MAN1A2: variants seen among roughly 807,000 people sequenced by gnomAD.
MAN1A2 encodes mannosidase alpha class 1A member 2, also known as mannosyl-oligosaccharide 1,2-alpha-mannosidase IB.
In MAN1A2, 26 loss-of-function variants were observed where a neutral mutation model predicts 75.7. The observed-to-expected ratio is 0.34, with a 90% CI of 0.25 to 0.48. The LOEUF is 0.48. MAN1A2 is among the 20% of genes least tolerant of loss of function. The pLI, the probability that MAN1A2 is intolerant of heterozygous loss-of-function variation, is 0.99. For missense variants in MAN1A2, 562 were observed against 775.5 expected (o/e 0.72, Z 3.27); for synonymous variants, 247 against 264.6 (o/e 0.93, Z 0.65).
At chr1:117,405,492 TA>T (rs1201482114) in intron 2 of MAN1A2, 56 bp from the exon 3 acceptor site, 12 of 1,083,488 alleles carry the variant, frequency 1.1e-5, no homozygotes, top group East Asian at 2.4e-5. Context: ...TTGTATGAAA[TA>T]AAAAAACAGT....
At position 117,431,666 on chromosome 1, in the gene MAN1A2, T is replaced by C. The variant is rs1648666326; in HGVS notation, c.856-10565T>C. On this transcript the variant is annotated intron_variant, in intron 5 of 12. Transcript: ENST00000356554. The stretch of plus-strand genomic sequence containing the variant: ...AAAAAGTTAGAAATAGTACAGAGTA[T>C]GGCTAGGTGCAATGGCTTATGCCTG... 2.0e-5 allele frequency among the ~76,000 whole-genome samples: 3 copies of C among 152,162 alleles called. No homozygotes were observed. The South Asian group carries it at 6.2e-4, about 31-fold the overall frequency.
chr1:117,515,557 A>G (rs1321350490), intron 12 of MAN1A2: 1 of 152,138 alleles, frequency 6.6e-6, no homozygotes, highest in African/African-American at 2.4e-5. Flanking sequence ...GAAAAGAAGG[A>G]TTCAGCCTGA....
intron 1 of MAN1A2, among the ~76,000 whole-genome samples, chr1:117,393,887 A>G (rs1653820924): frequency 6.6e-6 from 1 of 152,186 alleles, no homozygotes; most frequent in Admixed American, 6.5e-5. Flanking sequence ...CATAGAAGAA[A>G]TAATGTATCA....
intron 1 of MAN1A2, among the ~76,000 whole-genome samples, chr1:117,383,794 G>A (rs917952007): frequency 6.6e-6 from 1 of 151,824 alleles, no homozygotes; most frequent in Non-Finnish European, 1.5e-5. Context: ...GCCCAGGCTG[G>A]AGTGCAGTGG....
chr1:117,410,801 T>TGCAG (rs938351291), intron 3 of MAN1A2, among the ~76,000 whole-genome samples: 2 of 151,726 alleles, frequency 1.3e-5, no homozygotes, highest in African/African-American at 4.8e-5. Context: ...TTATGTGTCT[T>TGCAG]GGTATACTTG....
chr1:117,520,648 A>G (rs1480994039), intron 12 of MAN1A2, among the ~76,000 whole-genome samples: 4 of 152,102 alleles, frequency 2.6e-5, no homozygotes, highest in Admixed American at 2.6e-4. Context: ...GAAGACTACA[A>G]AACATGCTGA....
At chr1:117,493,008 G>C in intron 8 of MAN1A2, 139 bp from the exon 9 acceptor site, 1 of 583,804 alleles carries the variant, frequency 1.7e-6, no homozygotes. Context: ...TAAATTTGAA[G>C]TATGTTGGAA....
Position 117,417,534 on chromosome 1 carries a change from AATATATATATATAT to A in MAN1A2, c.774+2714_774+2727del, listed in dbSNP as rs551507232. Among the ~76,000 whole-genome samples, 10 of 89,208 alleles carry A rather than the reference AATATATATATATAT, an allele frequency of 1.1e-4. 1 individual carries two copies. The South Asian group carries it at 2.9e-3, about 26-fold the overall frequency. The allele number at this position is 89,208 out of a possible 152,430, so 58.5% of individuals were successfully genotyped here. A position where few individuals can be genotyped will look rare whatever the true frequency, so the allele number is the denominator to read the frequency against. Reference sequence around the variant, plus strand: ...GACTTTGGAGATATCCTTGAGTTTAAATATATATATATATATATATATATGTGATATATATGTTT... The same window carrying A: ...GACTTTGGAGATATCCTTGAGTTTAAATATATATATGTGATATATATGTTT... On this transcript the variant is annotated intron_variant, in intron 4 of 12. Coordinates refer to ENST00000356554, the MANE Select transcript of MAN1A2 (RefSeq NM_006699.5).
chr1:117,465,458 A>G (rs1321976560), intron 7 of MAN1A2, among the ~76,000 whole-genome samples: 3 of 152,158 alleles, frequency 2.0e-5, no homozygotes, highest in Admixed American at 6.5e-5. Flanking sequence ...TCCTAAAACT[A>G]CTTAAAGACA....
At chr1:117,509,719 A>C (rs566688794) in intron 12 of MAN1A2, among the ~76,000 whole-genome samples, 1 of 152,038 alleles carries the variant, frequency 6.6e-6, no homozygotes, top group African/African-American at 2.4e-5. Context: ...GTAGCTCCTA[A>C]AAAATCAAGT....
rs767143531 is a variant in MAN1A2 at position 117,368,440 on chromosome 1, A to C, written c.257A>C (p.Asn86Thr). ...PHVDAGKGAKNPGVFLIHGPD... is the reference protein window; with the variant it reads ...PHVDAGKGAKTPGVFLIHGPD... ...GTAGATGCCGGTAAAGGGGCTAAAA[A>C]CCCCGGAGTCTTCCTGATCCATGGA... is the stretch of plus-strand genomic sequence containing the variant. The change falls in exon 1 of 13, where the codon AAC becomes ACC. Residue 86 changes from asparagine (N) to threonine (T), a missense_variant. Around this residue, in one of 2 missense-constraint regions of MAN1A2, gnomAD observed 128 missense variants for 129.8 expected, o/e 0.99. Transcript: ENST00000356554. 1.2e-6 allele frequency: 2 copies of C among 1,613,200 alleles called. No homozygotes were observed. The highest frequency in any genetic ancestry group is 2.7e-5 in the African/African-American group (2 of 74,656).
intron 1 of MAN1A2, among the ~76,000 whole-genome samples, chr1:117,400,472 TA>T (rs145760107): frequency 7.4e-5 from 11 of 147,760 alleles, no homozygotes; most frequent in South Asian, 2.2e-4. Context: ...ATTCTATCAT[TA>T]AAAAAAAAAC....
intron 1 of MAN1A2, among the ~76,000 whole-genome samples, chr1:117,400,041 T>TTA (rs1341974381): frequency 1.3e-5 from 2 of 152,168 alleles, no homozygotes; most frequent in African/African-American, 2.4e-5. Flanking sequence ...CTTGGATATC[T>TTA]TATATAAGAC....
rs202001889 is a variant in MAN1A2, at chr1:117,460,494, T to A, written c.956T>A (p.Val319Glu). Residue 319 changes from valine (V) to glutamate (E), a missense_variant, in exon 7 of 13, where the codon GTA becomes GAA. Transcript: ENST00000356554. ...PWAMVNLKSG[V>E]GRNWGWASAG... ...TACTTTTCCTTTTCATTCAGTGGAGTAGGGCGAAACTGGGGCTGGGCATCT... is the reference window on the plus strand; with the variant it reads ...TACTTTTCCTTTTCATTCAGTGGAGAAGGGCGAAACTGGGGCTGGGCATCT... 7.4e-6 allele frequency: 12 copies of A among 1,610,758 alleles called. No individual in the cohort carries two copies. Among genetic ancestry groups the A allele is most frequent in the Non-Finnish European group, 8.5e-6 (10 of 1,178,648 alleles).
intron 6 of MAN1A2, among the ~76,000 whole-genome samples, chr1:117,452,274 G>A (rs955665191): frequency 6.7e-6 from 1 of 150,282 alleles, no homozygotes; most frequent in Non-Finnish European, 1.5e-5. Flanking sequence ...GCCACTGCAC[G>A]CCAGCCTGGG....
chr1:117,494,401 A>G (rs1161861422), intron 9 of MAN1A2: 1 of 152,078 alleles, frequency 6.6e-6, no homozygotes, highest in Admixed American at 6.6e-5. Flanking sequence ...TTATTTTTTA[A>G]AAGTTGTATA....
chr1:117,498,579 C>G (rs1206486685), intron 10 of MAN1A2, among the ~76,000 whole-genome samples: 3 of 151,822 alleles, frequency 2.0e-5, no homozygotes, highest in Non-Finnish European at 4.4e-5. Context: ...TTCATAATGA[C>G]ATTGCTGATG....
In MAN1A2 at chr1:117,373,484, GT is replaced by G. The variant is rs34482916; in HGVS notation, c.302+5017del. On this transcript the variant is annotated intron_variant, in intron 1 of 12. Coordinates refer to ENST00000356554, the MANE Select transcript of MAN1A2 (RefSeq NM_006699.5). Reference sequence around the variant, plus strand: ...TGGTGTAGATGCCTTTGCTGCATTTGTTTTTTTTTTTTTTTTTTGGGTACAT... The same window carrying G: ...TGGTGTAGATGCCTTTGCTGCATTTGTTTTTTTTTTTTTTTTTGGGTACAT... Among the ~76,000 whole-genome samples, 1,026 of 113,346 alleles carry G rather than the reference GT, an allele frequency of 9.1e-3. 7 individuals carry two copies. The highest frequency in any genetic ancestry group is 0.026 in the African/African-American group (803 of 30,934). The allele number at this position is 113,346 out of a possible 152,430, so 74.4% of individuals were successfully genotyped here. A position where few individuals can be genotyped will look rare whatever the true frequency, so the allele number is the denominator to read the frequency against.
chr1:117,519,964 A>T (rs1412497631), intron 12 of MAN1A2, among the ~76,000 whole-genome samples: 1 of 152,132 alleles, frequency 6.6e-6, no homozygotes, highest in African/African-American at 2.4e-5. Flanking sequence ...ACAACATATC[A>T]AAAAGATAAT....
Sources: gnomAD v4.1 joint callset for allele counts (sites outside exome capture counted in the v4.1 genomes callset) on GRCh38, gnomAD v4.1.1 for gene constraint, gnomAD v4.1.1 regional missense constraint, MANE v1.5 for transcripts, NCBI Gene and HGNC (gene_info 2026-07-23, HGNC 2026-07-21) for gene names.